Variants in CPNE6 observed in about 807,000 individuals in gnomAD.
CPNE6 encodes the protein copine-6.
A neutral mutation model predicts 71.5 loss-of-function variants in CPNE6; 33 were observed. The observed-to-expected ratio is 0.46, with a 90% CI of 0.35 to 0.62. CPNE6 has a LOEUF of 0.62. Among genes scored for constraint, CPNE6 ranks in the 20% least tolerant of loss-of-function variants. The probability of loss-of-function intolerance (pLI) is 0.00; values close to 1 mark genes in which losing one functional copy is unlikely to be tolerated. For synonymous variants in CPNE6, 296 were observed against 293.0 expected (o/e 1.01, Z -0.10); for missense variants, 576 against 747.3 (o/e 0.77, Z 2.67).
chr14:24,073,758 T>C lies in CPNE6; in HGVS notation c.348+80T>C. On this transcript the variant is annotated intron_variant, in intron 4 of 17. Coordinates refer to ENST00000397016, the Ensembl canonical transcript of CPNE6. The surrounding 1 kb of genome is among the most constrained non-coding windows in gnomAD (Gnocchi z 5.5). ...CTGGAAGCCAAAAAGAGAGAAAACATGAGCTCTAGAGCTAGTTCAACCCAG... is the reference window on the plus strand; with the variant it reads ...CTGGAAGCCAAAAAGAGAGAAAACACGAGCTCTAGAGCTAGTTCAACCCAG... 1 of 1,473,904 alleles carries C rather than the reference T, an allele frequency of 6.8e-7. No individual in the cohort carries two copies. The highest frequency in any genetic ancestry group is 2.0e-5 in the Admixed American group (1 of 49,580). 91.3% of individuals were successfully genotyped at this position (1,473,904 alleles called of 1,614,324 possible). A position where few individuals can be genotyped will look rare whatever the true frequency, so the allele number is the denominator to read the frequency against.
chr14:24,072,576 A>C, intron 2 of CPNE6: 1 of 187,534 alleles, frequency 5.3e-6, no homozygotes, highest in Non-Finnish European at 1.1e-5. Context: ...CAGCGCTGGC[A>C]CAACACCAGT....
chr14:24,071,102 C>T lies in CPNE6; in HGVS notation c.-120+74C>T, dbSNP rs2035881785. ...TATATGTGACTGCAGATATCCTTAG[C>T]TAGTGTAACAATGTTGAAAGTGATG... is the stretch of plus-strand genomic sequence containing the variant. On this transcript the variant is annotated intron_variant, in intron 1 of 17. Transcript: ENST00000397016. 15 of 1,412,198 alleles carry T rather than the reference C, an allele frequency of 1.1e-5. No homozygotes were observed. In the East Asian group the frequency reaches 3.7e-4, roughly 35 times the overall value. The allele number at this position is 1,412,198 out of a possible 1,614,324, so 87.5% of individuals were successfully genotyped here.
At chr14:24,071,602 C>T (rs1203984905) in exon 2 of CPNE6, 2 of 1,326,050 alleles carry the variant, frequency 1.5e-6, no homozygotes, top group Non-Finnish European at 1.0e-6. Context: ...AGGGCCAGGG[C>T]CAGAGAGCCG....
Position 24,073,210 on chromosome 14 carries a change from C to T in CPNE6, c.168+106C>T, listed in dbSNP as rs904576365. The T allele has an allele frequency of 7.1e-6, 9 of 1,266,468 alleles. No individual in the cohort carries two copies. The highest frequency in any genetic ancestry group is 6.2e-6 in the Non-Finnish European group (6 of 967,924). The allele number at this position is 1,266,468 out of a possible 1,614,324, so 78.5% of individuals were successfully genotyped here. On this transcript the variant is annotated intron_variant, in intron 3 of 17. Coordinates refer to ENST00000397016, the Ensembl canonical transcript of CPNE6. This position sits in a 1 kb window ranked among gnomAD's most constrained non-coding sequence, Gnocchi z 5.5. ...CTTGCAGGGAAATGTGTGGACTCTG[C>T]GGCGCCTTCTCGAGGCCGCTTGGGT...
In CPNE6 at chr14:24,077,250, A is replaced by G; in HGVS notation, c.1396A>G (p.Ile466Val). The G allele has an allele frequency of 6.2e-7, 1 of 1,613,606 alleles. No homozygotes were observed. The highest frequency in any genetic ancestry group is 8.5e-7 in the Non-Finnish European group (1 of 1,180,018). ...GCGTGCCTCCCGCCTGCCCATGTCC[A>G]TCATCATCGTAGGCGTGGGCAATGC... Residue 466 changes from isoleucine to valine, a missense_variant, in exon 16 of 18, where the codon ATC (isoleucine) becomes GTC (valine). Transcript: ENST00000397016. This position sits in a 1 kb window ranked among gnomAD's most constrained non-coding sequence, Gnocchi z 6.1.
At position 24,077,440 on chromosome 14, in the gene CPNE6, C is replaced by G; in HGVS notation, c.1536+50C>G. 6.3e-7 allele frequency: 1 copy of G among 1,583,236 alleles called. No individual in the cohort carries two copies. Among genetic ancestry groups the G allele is most frequent in the Non-Finnish European group, 8.7e-7 (1 of 1,152,224 alleles). On this transcript the variant is annotated intron_variant, in intron 16 of 17. Coordinates refer to ENST00000397016, the Ensembl canonical transcript of CPNE6. This position sits in a 1 kb window ranked among gnomAD's most constrained non-coding sequence, Gnocchi z 6.1. Reference sequence around the variant, plus strand: ...CTGAAGGACTCCTCAGCTTCTCATCCCCCCAAATCTGACCTTCGTCTTCCA... The same window carrying G: ...CTGAAGGACTCCTCAGCTTCTCATCGCCCCAAATCTGACCTTCGTCTTCCA...
chr14:24,077,873 C>CTT lies in CPNE6; in HGVS notation c.*38-15_*38-14insTT. On this transcript the variant is annotated splice_polypyrimidine_tract_variant and intron_variant, in intron 17 of 17. Transcript: ENST00000397016. The surrounding 1 kb of genome is among the most constrained non-coding windows in gnomAD (Gnocchi z 6.1). ...TGTAGAAGAGAGTGCTTATGACTCT[C>CTT]CCACCCCCTCCCAGGTGCCTGTCCT... 5.8e-6 allele frequency: 5 copies of CTT among 867,628 alleles called. No individual in the cohort carries two copies. Among genetic ancestry groups the CTT allele is most frequent in the African/African-American group, 1.7e-5 (1 of 58,512 alleles). 53.7% of individuals were successfully genotyped at this position (867,628 alleles called of 1,614,324 possible). A position where few individuals can be genotyped will look rare whatever the true frequency, so the allele number is the denominator to read the frequency against.
At chr14:24,076,962 A>G in exon 15 of CPNE6, 3 of 1,612,880 alleles carry the variant, frequency 1.9e-6, no homozygotes, top group Non-Finnish European at 2.5e-6. Flanking sequence ...CCCCATCATC[A>G]ACCGTGTGGC....
chr14:24,073,467 C>G lies in CPNE6; in HGVS notation c.169-32C>G, dbSNP rs767128639. ...GGGAAAAGTATCCTCGGTTCCCAGA[C>G]AGCCCTCGCCTCCCTTCAACCACTA... On this transcript the variant is annotated intron_variant, in intron 3 of 17. Coordinates refer to ENST00000397016, the Ensembl canonical transcript of CPNE6. This position sits in a 1 kb window ranked among gnomAD's most constrained non-coding sequence, Gnocchi z 5.5. 1.2e-6 allele frequency: 2 copies of G among 1,601,076 alleles called. No individual in the cohort carries two copies. Among genetic ancestry groups the G allele is most frequent in the African/African-American group, 1.3e-5 (1 of 74,720 alleles).
Position 24,077,185 on chromosome 14 carries a change from G to A in CPNE6, c.1331G>A (p.Gly444Asp). The A allele has an allele frequency of 1.2e-6, 2 of 1,608,150 alleles. No homozygotes were observed. The highest frequency in any genetic ancestry group is 1.7e-6 in the Non-Finnish European group (2 of 1,179,836). Reference sequence around the variant, plus strand: ...TCGGTGCTGCTGGTGCTCACTGACGGTGTGGTGAGCGACATGGCTGAGACT... The same window carrying A: ...TCGGTGCTGCTGGTGCTCACTGACGATGTGGTGAGCGACATGGCTGAGACT... The change falls in exon 16 of 18, where the codon GGT (glycine) becomes GAT (aspartate). Residue 444 changes from glycine to aspartate, a missense_variant. Gly to Asp is a moderately conservative substitution (Grantham distance 94, BLOSUM62 -1). Transcript: ENST00000397016. The surrounding 1 kb of genome is among the most constrained non-coding windows in gnomAD (Gnocchi z 6.1).
In CPNE6 at chr14:24,073,961, A is replaced by T; in HGVS notation, c.349-90A>T. On this transcript the variant is annotated intron_variant, in intron 4 of 17. Coordinates refer to ENST00000397016, the Ensembl canonical transcript of CPNE6. This position sits in a 1 kb window ranked among gnomAD's most constrained non-coding sequence, Gnocchi z 5.5. ...CAACTCAAAGTGCCAACCCTTGCAG[A>T]CACTCAGAGCATTTATTATTCCATC... is the stretch of plus-strand genomic sequence containing the variant. The T allele has an allele frequency of 1.6e-6, 2 of 1,234,600 alleles. No individual in the cohort carries two copies. The highest frequency in any genetic ancestry group is 2.4e-6 in the Non-Finnish European group (2 of 836,988). 76.5% of individuals were successfully genotyped at this position (1,234,600 alleles called of 1,614,324 possible).
chr14:24,071,511 A>T, intron 1 of CPNE6, 51 bp from the exon 1 acceptor site: 2 of 310,964 alleles, frequency 6.4e-6, no homozygotes, highest in South Asian at 4.4e-5. Context: ...GCCCCCCCCC[A>T]CCCCTCCCCA....
intron 14 of CPNE6, 152 bp from the exon 14 acceptor site, chr14:24,076,727 C>A: frequency 6.9e-7 from 1 of 1,457,142 alleles, no homozygotes; most frequent in Non-Finnish European, 9.5e-7. Flanking sequence ...CCAACTCTCC[C>A]TGCCAAGGGA....
In CPNE6 at chr14:24,077,040, G is replaced by T; in HGVS notation, c.1299+28G>T. 6.2e-7 allele frequency: 1 copy of T among 1,606,128 alleles called. No homozygotes were observed. On this transcript the variant is annotated intron_variant, in intron 15 of 17. Transcript: ENST00000397016. This position sits in a 1 kb window ranked among gnomAD's most constrained non-coding sequence, Gnocchi z 6.1. Reference sequence around the variant, plus strand: ...AGGAAGACATGGCGGGCAAACAGGAGCTGTCCCATGTGTCTTTAAGTGGTG... The same window carrying T: ...AGGAAGACATGGCGGGCAAACAGGATCTGTCCCATGTGTCTTTAAGTGGTG...
exon 12 of CPNE6, chr14:24,076,281 A>T: frequency 6.2e-7 from 1 of 1,614,198 alleles, no homozygotes; most frequent in Non-Finnish European, 8.5e-7. Context: ...GGACTATGAC[A>T]GGTAGGAGAG....
Position 24,073,456 on chromosome 14 carries a change from C to A in CPNE6, c.169-43C>A. On this transcript the variant is annotated intron_variant, in intron 3 of 17. Transcript: ENST00000397016. This position sits in a 1 kb window ranked among gnomAD's most constrained non-coding sequence, Gnocchi z 5.5. Reference sequence around the variant, plus strand: ...AGTCCAGGACAGGGAAAAGTATCCTCGGTTCCCAGACAGCCCTCGCCTCCC... The same window carrying A: ...AGTCCAGGACAGGGAAAAGTATCCTAGGTTCCCAGACAGCCCTCGCCTCCC... 1 of 1,590,038 alleles carries A rather than the reference C, an allele frequency of 6.3e-7. No homozygotes were observed. Among genetic ancestry groups the A allele is most frequent in the Non-Finnish European group, 8.6e-7 (1 of 1,167,272 alleles).
chr14:24,074,501 C>A lies in CPNE6; in HGVS notation c.499-30C>A, dbSNP rs756847528. 1.2e-6 allele frequency: 2 copies of A among 1,609,408 alleles called. No individual in the cohort carries two copies. Among genetic ancestry groups the A allele is most frequent in the South Asian group, 2.2e-5 (2 of 90,968 alleles). On this transcript the variant is annotated intron_variant, in intron 6 of 17. Coordinates refer to ENST00000397016, the Ensembl canonical transcript of CPNE6. This position sits in a 1 kb window ranked among gnomAD's most constrained non-coding sequence, Gnocchi z 4.5. The stretch of plus-strand genomic sequence containing the variant: ...CCACCCTCCTTGCAGCTCTCACCAA[C>A]CTCAAGGGCCCTTTCTCCTGTATCT...
rs142449845 is a variant in CPNE6 at position 24,076,249 on chromosome 14, G to A, written c.1025G>A (p.Arg342His). 3.4e-4 allele frequency: 543 copies of A among 1,614,220 alleles called. 4 individuals carry two copies. In the East Asian group the frequency reaches 7.4e-3, roughly 22 times the overall value. The change falls in exon 12 of 18, where the codon CGT becomes CAT. Residue 342 changes from arginine to histidine, a missense_variant. By Grantham distance (29) the Arg-to-His change is conservative. Transcript: ENST00000397016. Reference sequence around the variant, plus strand: ...CCCAACCACTACCTGCAGGCCCTGCGTGCAGTGGGAGGCATCTGCCAGGAC... The same window carrying A: ...CCCAACCACTACCTGCAGGCCCTGCATGCAGTGGGAGGCATCTGCCAGGAC...
Position 24,073,466 on chromosome 14 carries a change from A to G in CPNE6, c.169-33A>G. The G allele has an allele frequency of 6.2e-7, 1 of 1,601,270 alleles. No homozygotes were observed. Among genetic ancestry groups the G allele is most frequent in the Non-Finnish European group, 8.5e-7 (1 of 1,173,106 alleles). On this transcript the variant is annotated intron_variant, in intron 3 of 17. Coordinates refer to ENST00000397016, the Ensembl canonical transcript of CPNE6. The surrounding 1 kb of genome is among the most constrained non-coding windows in gnomAD (Gnocchi z 5.5). Reference sequence around the variant, plus strand: ...AGGGAAAAGTATCCTCGGTTCCCAGACAGCCCTCGCCTCCCTTCAACCACT... The same window carrying G: ...AGGGAAAAGTATCCTCGGTTCCCAGGCAGCCCTCGCCTCCCTTCAACCACT...
Sources: allele counts gnomAD v4.1 joint callset, GRCh38; gene constraint gnomAD v4.1.1; non-coding constraint Gnocchi (gnomAD v3.1); transcripts MANE v1.5; gene names NCBI Gene and HGNC (gene_info 2026-07-23, HGNC 2026-07-21).